NRXN3: variants seen among roughly 807,000 people sequenced by gnomAD.
NRXN3 encodes the protein neurexin III.
NRXN3 carries 32 observed loss-of-function variants against 137.6 expected under a neutral mutation model. The ratio of observed to expected loss-of-function variants is 0.23; its 90% CI spans 0.18 to 0.31. The LOEUF (loss-of-function observed/expected upper bound fraction) is 0.31. Among genes scored for constraint, NRXN3 ranks in the 10% least tolerant of loss-of-function variants. The probability of loss-of-function intolerance (pLI) is 1.00; values close to 1 mark genes in which losing one functional copy is unlikely to be tolerated. For synonymous variants in NRXN3, 798 were observed against 784.5 expected, an observed-to-expected ratio of 1.02 and a Z score of -0.29; for missense variants, 1,574 against 2,062.5, an observed-to-expected ratio of 0.76 and a Z score of 4.59.
At chr14:79,766,681 T>G (rs115975919) in intron 19 of NRXN3, among the ~76,000 whole-genome samples, 2,709 of 152,274 alleles carry the variant, frequency 0.018, 83 homozygotes, top group African/African-American at 0.059. Flanking sequence ...TCTAAAACAT[T>G]TATGTTAGAA....
intron 16 of NRXN3, among the ~76,000 whole-genome samples, chr14:79,639,177 A>G (rs935088197): frequency 6.6e-6 from 1 of 152,250 alleles, no homozygotes; most frequent in African/African-American, 2.4e-5. Context: ...AGATATTTCA[A>G]GACAAAATTT....
chr14:78,452,550 A>T (rs185121616), intron 4 of NRXN3, among the ~76,000 whole-genome samples: 101 of 152,246 alleles, frequency 6.6e-4, no homozygotes, highest in African/African-American at 2.4e-3. Flanking sequence ...AGGATCTTTA[A>T]TTTTTCCCAC....
intron 15 of NRXN3, among the ~76,000 whole-genome samples, chr14:79,441,224 G>A (rs910489444): frequency 2.6e-5 from 4 of 151,854 alleles, no homozygotes; most frequent in African/African-American, 9.7e-5. Flanking sequence ...TACTTGAGAA[G>A]GTAGCAAAGA....
chr14:79,466,725 G>A (rs1204426560), intron 15 of NRXN3, among the ~76,000 whole-genome samples: 1 of 152,166 alleles, frequency 6.6e-6, no homozygotes, highest in Non-Finnish European at 1.5e-5. Flanking sequence ...AGTGGGAGAA[G>A]GTACAAGCAG....
At chr14:78,359,186 A>G (rs1222134760) in intron 4 of NRXN3, among the ~76,000 whole-genome samples, 1 of 152,158 alleles carries the variant, frequency 6.6e-6, no homozygotes, top group African/African-American at 2.4e-5. Flanking sequence ...ATTCTGTGAC[A>G]AGTACGCAGT....
intron 15 of NRXN3, among the ~76,000 whole-genome samples, chr14:79,234,334 ATATAT>A (rs2072963226): frequency 5.8e-5 from 6 of 103,760 alleles, no homozygotes; most frequent in Admixed American, 2.1e-4. Context: ...ATATATATAT[ATATAT>A]AATATTTATA....
At chr14:78,409,714 A>T (rs994691214) in intron 4 of NRXN3, among the ~76,000 whole-genome samples, 3 of 152,204 alleles carry the variant, frequency 2.0e-5, no homozygotes, top group African/African-American at 7.2e-5. Context: ...GCACACACAC[A>T]TAAGGAGCTT....
chr14:78,844,406 C>T lies in NRXN3; in HGVS notation c.2275+34062C>T, dbSNP rs148917475. ...CAGGTTCTGGGGATTAAGACAGGGA[C>T]TCATCTTTTCCAGGGGCTGCCATTC... is the stretch of plus-strand genomic sequence containing the variant. On this transcript the variant is annotated intron_variant, in intron 10 of 20. Coordinates refer to ENST00000335750, the MANE Select transcript of NRXN3 (RefSeq NM_001330195.2). Among the ~76,000 whole-genome samples the T allele has an allele frequency of 3.7e-3, 561 of 152,160 alleles. 5 individuals are homozygous for T. The highest frequency in any genetic ancestry group is 0.012 in the African/African-American group (507 of 41,528).
chr14:79,862,916 A>G lies in NRXN3; in HGVS notation c.*952A>G, dbSNP rs2099415685. 1 of 152,444 alleles carries G rather than the reference A, an allele frequency of 6.6e-6. No individual in the cohort carries two copies. Among genetic ancestry groups the G allele is most frequent in the Non-Finnish European group, 1.5e-5 (1 of 68,040 alleles). The allele number at this position is 152,444 out of a possible 1,614,324, so 9.4% of individuals were successfully genotyped here. On this transcript the variant is annotated 3_prime_UTR_variant, in exon 21 of 21. Transcript: ENST00000335750. ...TTGTTCCTGTCCATTCACCCAGCCA[A>G]ATTGTGTTAAAGAGGAAAGCCCCAC...
chr14:78,399,457 T>C (rs2091838156), intron 4 of NRXN3, among the ~76,000 whole-genome samples: 1 of 152,224 alleles, frequency 6.6e-6, no homozygotes, highest in African/African-American at 2.4e-5. Flanking sequence ...TCAATTACAG[T>C]ATAGGCTCAT....
intron 8 of NRXN3, among the ~76,000 whole-genome samples, chr14:78,726,739 G>A (rs2098485688): frequency 6.6e-6 from 1 of 151,600 alleles, no homozygotes; most frequent in Non-Finnish European, 1.5e-5. Context: ...GGCTGGTCTC[G>A]AACTTGTGAG....
chr14:79,537,439 C>T (rs938193353), intron 16 of NRXN3, among the ~76,000 whole-genome samples: 1 of 152,090 alleles, frequency 6.6e-6, no homozygotes, highest in Non-Finnish European at 1.5e-5. Flanking sequence ...TATCCCTCCC[C>T]CTCCCTGCAC....
chr14:79,595,114 A>C (rs1469181486), intron 16 of NRXN3, among the ~76,000 whole-genome samples: 1 of 152,200 alleles, frequency 6.6e-6, no homozygotes, highest in East Asian at 1.9e-4. Context: ...TTTCAGTTGC[A>C]GAAAGTATTG....
At chr14:78,926,700 T>A (rs183159909) in intron 10 of NRXN3, among the ~76,000 whole-genome samples, 8,732 of 85,530 alleles carry the variant, frequency 0.1, 728 homozygotes, top group Non-Finnish European at 0.15. Flanking sequence ...ATATATAAAA[T>A]ATATATTATA....
intron 8 of NRXN3, among the ~76,000 whole-genome samples, chr14:78,758,989 G>A (rs2152970063): frequency 6.6e-6 from 1 of 152,226 alleles, no homozygotes; most frequent in African/African-American, 2.4e-5. Flanking sequence ...CAGGAAAGAG[G>A]GACTTTTCAG....
intron 4 of NRXN3, among the ~76,000 whole-genome samples, chr14:78,318,164 T>C (rs981789789): frequency 6.6e-6 from 1 of 152,154 alleles, no homozygotes; most frequent in African/African-American, 2.4e-5. Context: ...AAGAGGGAGC[T>C]TGTGTGCCAG....
At chr14:78,897,689 A>G (rs1230515721) in intron 10 of NRXN3, among the ~76,000 whole-genome samples, 4 of 151,908 alleles carry the variant, frequency 2.6e-5, no homozygotes, top group Non-Finnish European at 5.9e-5. Context: ...CCAGTTCTCA[A>G]GCATTACACA....
At chr14:79,718,032 G>A (rs969499928) in intron 19 of NRXN3, among the ~76,000 whole-genome samples, 1 of 152,160 alleles carries the variant, frequency 6.6e-6, no homozygotes, top group Non-Finnish European at 1.5e-5. Flanking sequence ...GGGAGTGGGG[G>A]CAGAGACTAC....
chr14:79,360,916 C>T (rs2093660199), intron 15 of NRXN3, among the ~76,000 whole-genome samples: 3 of 152,188 alleles, frequency 2.0e-5, no homozygotes, highest in African/African-American at 4.8e-5. Flanking sequence ...AGTAGTTGCT[C>T]AATAAATGGT....
Sources: allele counts gnomAD v4.1 joint callset (sites outside exome capture counted in the v4.1 genomes callset), GRCh38; gene constraint gnomAD v4.1.1; transcripts MANE v1.5; gene names NCBI Gene and HGNC (gene_info 2026-07-23, HGNC 2026-07-21).